The following EPHA7 variants were observed in gnomAD, a reference collection of about 807,000 sequenced individuals.
EPHA7 encodes EPH receptor A7.
Under a neutral mutation model 112.6 loss-of-function variants are expected in EPHA7, and 25 were observed. The ratio of observed to expected loss-of-function variants is 0.22; its 90% CI spans 0.16 to 0.31. The LOEUF is 0.31. EPHA7 is among the 10% of genes least tolerant of loss of function. The pLI, the probability that EPHA7 is intolerant of heterozygous loss-of-function variation, is 1.00. For synonymous variants in EPHA7, 437 were observed against 406.5 expected (o/e 1.07, Z -0.90); for missense variants, 962 against 1,212.6 (o/e 0.79, Z 3.07).
chr6:93,396,238 A>G (rs983460142), intron 3 of EPHA7, among the ~76,000 whole-genome samples: 16 of 151,936 alleles, frequency 1.1e-4, no homozygotes, highest in African/African-American at 2.9e-4. Flanking sequence ...TTTGATGACT[A>G]ATGTGTAAAC....
At position 93,255,796 on chromosome 6, in the gene EPHA7, A is replaced by G. The variant is rs1770415432; in HGVS notation, c.2382+32T>C. ...TTCGTGGTAGAAAAATCTTAAGAAT[A>G]TGAAGAAGTGCAGTAAATGACTTTT... is the stretch of plus-strand genomic sequence containing the variant. On this transcript the variant is annotated intron_variant, in intron 13 of 16. Coordinates refer to ENST00000369303, the MANE Select transcript of EPHA7 (RefSeq NM_004440.4). The G allele has an allele frequency of 4.5e-6, 7 of 1,562,686 alleles. No homozygotes were observed. The East Asian group carries it at 1.6e-4, about 35-fold the overall frequency.
intron 5 of EPHA7, among the ~76,000 whole-genome samples, chr6:93,330,294 T>C (rs1774527736): frequency 1.3e-5 from 2 of 151,326 alleles, no homozygotes; most frequent in South Asian, 4.1e-4. Context: ...TTCCTTGTGC[T>C]GGGAACATTC....
At chr6:93,309,420 A>C (rs1387190281) in intron 5 of EPHA7, among the ~76,000 whole-genome samples, 2 of 152,292 alleles carry the variant, frequency 1.3e-5, no homozygotes, top group Non-Finnish European at 2.9e-5. Context: ...GTAGTCATCC[A>C]AGTTCTAAAA....
chr6:93,387,921 A>AGACT (rs1254720552), intron 3 of EPHA7, among the ~76,000 whole-genome samples: 1 of 60,844 alleles, frequency 1.6e-5, no homozygotes, highest in Middle Eastern at 8.8e-3. Context: ...TTAGATAGAT[A>AGACT]GACAGATAGA....
chr6:93,272,532 A>C lies in EPHA7; in HGVS notation c.1325-110T>G. 4.5e-6 allele frequency: 6 copies of C among 1,337,554 alleles called. No individual in the cohort carries two copies. In the East Asian group the frequency reaches 1.2e-4, roughly 26 times the overall value. The allele number at this position is 1,337,554 out of a possible 1,614,324, so 82.9% of individuals were successfully genotyped here. A position where few individuals can be genotyped will look rare whatever the true frequency, so the allele number is the denominator to read the frequency against. Reference sequence around the variant, plus strand: ...TGTGCCAGTTTCATTAAGGTAAAAGAAAGCACCTTTTCATAGCTCACAATT... The same window carrying C: ...TGTGCCAGTTTCATTAAGGTAAAAGCAAGCACCTTTTCATAGCTCACAATT... On this transcript the variant is annotated intron_variant, in intron 5 of 16. Coordinates refer to ENST00000369303, the MANE Select transcript of EPHA7 (RefSeq NM_004440.4).
chr6:93,345,358 G>T (rs1272455758), intron 5 of EPHA7, among the ~76,000 whole-genome samples: 1 of 151,686 alleles, frequency 6.6e-6, no homozygotes, highest in East Asian at 1.9e-4. Flanking sequence ...AGAACTGCAT[G>T]CTTTAAAGCT....
At chr6:93,246,091 G>A (rs564589500) in intron 15 of EPHA7, among the ~76,000 whole-genome samples, 7 of 150,164 alleles carry the variant, frequency 4.7e-5, no homozygotes, top group South Asian at 2.1e-4. Flanking sequence ...TCGCTCTGTC[G>A]CCCAGGCTGG....
chr6:93,395,370 T>C (rs1267108076), intron 3 of EPHA7, among the ~76,000 whole-genome samples: 1 of 151,860 alleles, frequency 6.6e-6, no homozygotes, highest in Non-Finnish European at 1.5e-5. Context: ...CTGAATCTTC[T>C]CTTTCTGTAA....
At chr6:93,283,574 G>A (rs1012347039) in intron 5 of EPHA7, among the ~76,000 whole-genome samples, 1 of 151,588 alleles carries the variant, frequency 6.6e-6, no homozygotes, top group African/African-American at 2.4e-5. Context: ...CAGAAGGAAC[G>A]AACAACTCCA....
At chr6:93,387,996 A>G (rs1777715412) in intron 3 of EPHA7, among the ~76,000 whole-genome samples, 1 of 151,276 alleles carries the variant, frequency 6.6e-6, no homozygotes, top group Non-Finnish European at 1.5e-5. Context: ...AGATAGACAC[A>G]GAGACATACA....
intron 5 of EPHA7, among the ~76,000 whole-genome samples, chr6:93,349,761 T>A (rs1286416486): frequency 3.9e-5 from 6 of 152,002 alleles, no homozygotes; most frequent in South Asian, 2.1e-4. Context: ...ATATACAAAT[T>A]TAAATGGAAT....
chr6:93,379,999 G>T (rs1777254660), intron 3 of EPHA7, among the ~76,000 whole-genome samples: 2 of 151,974 alleles, frequency 1.3e-5, no homozygotes, highest in African/African-American at 4.8e-5. Context: ...TTCTTTGTTT[G>T]TTTTTAACAT....
At chr6:93,358,784 C>A (rs1043102891) in intron 3 of EPHA7, among the ~76,000 whole-genome samples, 1 of 152,128 alleles carries the variant, frequency 6.6e-6, no homozygotes, top group Admixed American at 6.5e-5. Flanking sequence ...CATTAGAACA[C>A]TTCAAGTTAT....
At chr6:93,417,627 G>C (rs1779305604) in intron 1 of EPHA7, among the ~76,000 whole-genome samples, 1 of 152,136 alleles carries the variant, frequency 6.6e-6, no homozygotes, top group Admixed American at 6.5e-5. Flanking sequence ...CGCGCGCGGG[G>C]TTTCGCCGCG....
chr6:93,324,883 G>C (rs1024829696), intron 5 of EPHA7, among the ~76,000 whole-genome samples: 16 of 151,376 alleles, frequency 1.1e-4, no homozygotes, highest in African/African-American at 3.9e-4. Flanking sequence ...AAGCAAAAGA[G>C]GTTCATATTG....
intron 5 of EPHA7, among the ~76,000 whole-genome samples, chr6:93,313,181 A>G (rs911556688): frequency 3.3e-5 from 5 of 152,202 alleles, no homozygotes; most frequent in Non-Finnish European, 7.4e-5. Context: ...TTCGTAAAAA[A>G]TGCGATATCT....
chr6:93,256,356 A>C (rs1311175942), intron 12 of EPHA7, among the ~76,000 whole-genome samples: 2 of 152,132 alleles, frequency 1.3e-5, no homozygotes, highest in Non-Finnish European at 2.9e-5. Flanking sequence ...AATTACCCCC[A>C]ATAGCTAAGT....
intron 3 of EPHA7, among the ~76,000 whole-genome samples, chr6:93,404,268 G>A (rs1315952124): frequency 6.6e-6 from 1 of 151,970 alleles, no homozygotes; most frequent in Non-Finnish European, 1.5e-5. Context: ...GAAATATTTA[G>A]GATGTTAGGA....
chr6:93,295,524 C>T (rs1018997796), intron 5 of EPHA7, among the ~76,000 whole-genome samples: 2 of 151,308 alleles, frequency 1.3e-5, no homozygotes, highest in African/African-American at 4.8e-5. Flanking sequence ...TACTTAAATA[C>T]ATATGACAAA....
Sources: allele counts gnomAD v4.1 joint callset (sites outside exome capture counted in the v4.1 genomes callset), GRCh38; gene constraint gnomAD v4.1.1; transcripts MANE v1.5; gene names NCBI Gene and HGNC (gene_info 2026-07-23, HGNC 2026-07-21).